GRM5: variants seen among roughly 807,000 people sequenced by gnomAD.
The protein encoded by GRM5 is glutamate metabotropic receptor 5.
A neutral mutation model predicts 83.1 loss-of-function variants in GRM5; 19 were observed. The ratio of observed to expected loss-of-function variants is 0.23; its 90% CI spans 0.16 to 0.34. The LOEUF (loss-of-function observed/expected upper bound fraction) is 0.34, where lower values mean the gene tolerates loss of function less well. Among genes scored for constraint, GRM5 ranks in the 10% least tolerant of loss-of-function variants. The probability of loss-of-function intolerance (pLI) is 1.00; values close to 1 mark genes in which losing one functional copy is unlikely to be tolerated. For missense variants in GRM5, 1,160 were observed against 1,588.3 expected (o/e 0.73, Z 4.58); for synonymous variants, 675 against 633.6 (o/e 1.07, Z -0.98).
rs372749774 is a variant in GRM5, at chr11:88,845,582, C to T, written c.911+4324G>A. 7.2e-4 allele frequency among the ~76,000 whole-genome samples: 110 copies of T among 151,752 alleles called. 1 individual carries two copies. The highest frequency in any genetic ancestry group is 3.4e-3 in the Middle Eastern group (1 of 294). On this transcript the variant is annotated intron_variant, in intron 3 of 9. Transcript: ENST00000305447. Reference sequence around the variant, plus strand: ...CAGAGTAGCTGGGACTACAGGCGCACGCCGCGACACCCGGCTACTTTTTTG... The same window carrying T: ...CAGAGTAGCTGGGACTACAGGCGCATGCCGCGACACCCGGCTACTTTTTTG...
chr11:88,631,133 T>A (rs570001798), intron 4 of GRM5, among the ~76,000 whole-genome samples: 1 of 152,186 alleles, frequency 6.6e-6, no homozygotes, highest in East Asian at 1.9e-4. Context: ...GTCATGGTGA[T>A]GTGGGCAAAC....
At chr11:88,829,243 T>C (rs1043151047) in intron 3 of GRM5, among the ~76,000 whole-genome samples, 2 of 152,180 alleles carry the variant, frequency 1.3e-5, no homozygotes, top group African/African-American at 4.8e-5. Context: ...GGCAGATCAT[T>C]TGAGGCCAGG....
intron 3 of GRM5, among the ~76,000 whole-genome samples, chr11:88,654,833 G>A (rs539290036): frequency 2.6e-5 from 4 of 152,022 alleles, no homozygotes; most frequent in African/African-American, 7.2e-5. Context: ...AATCAGTGCC[G>A]AGAAAGTATT....
At chr11:88,911,346 T>A (rs1945494850) in intron 2 of GRM5, among the ~76,000 whole-genome samples, 1 of 152,154 alleles carries the variant, frequency 6.6e-6, no homozygotes, top group African/African-American at 2.4e-5. Context: ...CATTTTCTAT[T>A]TATTCATCTA....
intron 3 of GRM5, among the ~76,000 whole-genome samples, chr11:88,846,549 T>A (rs1281439254): frequency 1.3e-5 from 2 of 152,178 alleles, no homozygotes; most frequent in African/African-American, 2.4e-5. Flanking sequence ...AGCAGCAGAG[T>A]TGTCTTAGTC....
chr11:88,586,107 TAC>T (rs140549003), intron 7 of GRM5, among the ~76,000 whole-genome samples: 176 of 150,316 alleles, frequency 1.2e-3, no homozygotes, highest in Middle Eastern at 3.4e-3. Context: ...CATACATGTT[TAC>T]ACACACACAC....
intron 8 of GRM5, among the ~76,000 whole-genome samples, chr11:88,528,515 A>T (rs1035537045): frequency 1.3e-5 from 2 of 152,068 alleles, no homozygotes; most frequent in African/African-American, 4.8e-5. Context: ...TTTATTTTAG[A>T]AATATGGAAT....
chr11:88,550,794 A>C (rs1032149749), intron 8 of GRM5, among the ~76,000 whole-genome samples: 5 of 152,134 alleles, frequency 3.3e-5, no homozygotes, highest in African/African-American at 1.2e-4. Context: ...CAATACTGAC[A>C]TTTCATTGAT....
At chr11:88,742,002 C>T (rs990627619) in intron 3 of GRM5, among the ~76,000 whole-genome samples, 3 of 151,786 alleles carry the variant, frequency 2.0e-5, no homozygotes, top group African/African-American at 7.3e-5. Context: ...TGAAAACCAC[C>T]CCCACTGCCA....
intron 3 of GRM5, among the ~76,000 whole-genome samples, chr11:88,683,540 T>C (rs1043240753): frequency 7.9e-5 from 12 of 152,218 alleles, no homozygotes; most frequent in Non-Finnish European, 1.6e-4. Flanking sequence ...GATGAATCTG[T>C]CAGTTCTCAT....
chr11:89,024,860 C>G (rs1014061570), intron 2 of GRM5, among the ~76,000 whole-genome samples: 1 of 152,108 alleles, frequency 6.6e-6, no homozygotes. Flanking sequence ...TCATAGTAGA[C>G]TCTCTAAATA....
At chr11:88,644,920 G>A (rs1209765820) in intron 4 of GRM5, among the ~76,000 whole-genome samples, 10 of 152,060 alleles carry the variant, frequency 6.6e-5, no homozygotes, top group Non-Finnish European at 1.3e-4. Context: ...ATTTATTTTG[G>A]TCACTATATT....
At chr11:88,548,368 A>G (rs1942428982) in intron 8 of GRM5, among the ~76,000 whole-genome samples, 1 of 152,198 alleles carries the variant, frequency 6.6e-6, no homozygotes, top group African/African-American at 2.4e-5. Context: ...CAGAGAATTT[A>G]TAACAATTAA....
intron 8 of GRM5, among the ~76,000 whole-genome samples, chr11:88,562,376 T>TA (rs1942777039): frequency 6.6e-6 from 1 of 152,160 alleles, no homozygotes; most frequent in African/African-American, 2.4e-5. Context: ...ACTGCTCCAT[T>TA]ACTCATTAGT....
chr11:88,684,021 A>C (rs1200627093), intron 3 of GRM5, among the ~76,000 whole-genome samples: 4 of 152,224 alleles, frequency 2.6e-5, no homozygotes, highest in Non-Finnish European at 5.9e-5. Context: ...ATTTGAACTA[A>C]GACCAAAAAA....
chr11:88,966,758 C>T lies in GRM5; in HGVS notation c.661+80454G>A, dbSNP rs747935483. 5.3e-5 allele frequency among the ~76,000 whole-genome samples: 8 copies of T among 152,110 alleles called. 1 individual carries two copies. The South Asian group carries it at 1.4e-3, about 28-fold the overall frequency. ...TGAATGAGACTTTGAAGTCTCCCCC[C>T]TGGGTATGAGATGAATACGTTCTCT... On this transcript the variant is annotated intron_variant, in intron 2 of 9. Transcript: ENST00000305447.
At chr11:88,711,800 T>TA (rs35084815) in intron 3 of GRM5, among the ~76,000 whole-genome samples, 109,719 of 151,844 alleles carry the variant, frequency 0.72, 39,989 homozygotes, top group South Asian at 0.89. Flanking sequence ...AACAAAAGTT[T>TA]AGAGACTTTT....
intron 2 of GRM5, among the ~76,000 whole-genome samples, chr11:88,978,463 G>A (rs1939408887): frequency 1.2e-5 from 1 of 82,802 alleles, no homozygotes; most frequent in African/African-American, 4.2e-5. Flanking sequence ...ATTAACAACA[G>A]CAGATGAGCT....
chr11:88,647,472 G>C (rs1311423478), intron 4 of GRM5, among the ~76,000 whole-genome samples: 1 of 151,982 alleles, frequency 6.6e-6, no homozygotes, highest in Admixed American at 6.6e-5. Context: ...TGCTGATTCT[G>C]GGGGCTACAA....
Sources: allele counts gnomAD v4.1 joint callset (sites outside exome capture counted in the v4.1 genomes callset), GRCh38; gene constraint gnomAD v4.1.1; transcripts MANE v1.5; gene names NCBI Gene and HGNC (gene_info 2026-07-23, HGNC 2026-07-21).